ADGRF3: variants seen among roughly 807,000 people sequenced by gnomAD.
ADGRF3 encodes G protein-coupled receptor 113.
ADGRF3 carries 85 observed loss-of-function variants against 93.2 expected under a neutral mutation model. The ratio of observed to expected loss-of-function variants is 0.91; its 90% CI spans 0.77 to 1.09. The LOEUF (loss-of-function observed/expected upper bound fraction) is 1.09. ADGRF3 is among the 50% of genes least tolerant of loss of function. The pLI, the probability that ADGRF3 is intolerant of heterozygous loss-of-function variation, is 0.00. For missense variants in ADGRF3, 1,125 were observed against 1,246.2 expected (o/e 0.90, Z 1.46); for synonymous variants, 534 against 532.5 (o/e 1.00, Z -0.04).
At chr2:26,339,019 G>C (rs1245455246) in intron 1 of ADGRF3, among the ~76,000 whole-genome samples, 2 of 145,832 alleles carry the variant, frequency 1.4e-5, no homozygotes, top group African/African-American at 2.6e-5. Flanking sequence ...ACAGGCTGAA[G>C]CAGAACAATT....
chr2:26,346,454 G>T lies in ADGRF3; in HGVS notation c.-220C>A. On this transcript the variant is annotated 5_prime_UTR_variant, in exon 1 of 14. Transcript: ENST00000651242. ...GGTCCTGGGGATTGGGGGTCGGGGA[G>T]CGTGGGAGCATCCTAAGCCCGCCGC... The T allele has an allele frequency of 1.2e-6, 1 of 835,236 alleles. No homozygotes were observed. Among genetic ancestry groups the T allele is most frequent in the South Asian group, 2.0e-5 (1 of 50,328 alleles). The allele number at this position is 835,236 out of a possible 1,614,324, so 51.7% of individuals were successfully genotyped here.
In ADGRF3 at chr2:26,346,239, G is replaced by A. The variant is rs1482022006; in HGVS notation, c.-5C>T. ...GCTCAGTTTTCGGGTCGTCATGGCTGGCTACGAATACGTGAGCCCGGAGCA... is the reference window on the plus strand; with the variant it reads ...GCTCAGTTTTCGGGTCGTCATGGCTAGCTACGAATACGTGAGCCCGGAGCA... On this transcript the variant is annotated 5_prime_UTR_variant, in exon 1 of 14. Transcript: ENST00000651242. 6.2e-7 allele frequency: 1 copy of A among 1,613,648 alleles called. No individual in the cohort carries two copies. Among genetic ancestry groups the A allele is most frequent in the East Asian group, 2.2e-5 (1 of 44,866 alleles).
Position 26,346,417 on chromosome 2 carries a change from G to T in ADGRF3, c.-183C>A. ...CGGGCGGGCTGGCGGGCGTTCCTCC[G>T]GAGGTCCTGCGGGTCCTGGGGATTG... On this transcript the variant is annotated 5_prime_UTR_variant, in exon 1 of 14. Transcript: ENST00000651242. The T allele has an allele frequency of 8.3e-7, 1 of 1,202,200 alleles. No individual in the cohort carries two copies. Among genetic ancestry groups the T allele is most frequent in the Non-Finnish European group, 1.1e-6 (1 of 900,452 alleles). The allele number at this position is 1,202,200 out of a possible 1,614,324, so 74.5% of individuals were successfully genotyped here. A position where few individuals can be genotyped will look rare whatever the true frequency, so the allele number is the denominator to read the frequency against.
intron 4 of ADGRF3, 48 bp downstream of exon 4, chr2:26,316,227 T>C (rs1364464105): frequency 6.6e-7 from 1 of 1,521,428 alleles, no homozygotes; most frequent in Non-Finnish European, 8.9e-7. Context: ...ACTGAGAACA[T>C]TTATTTCACT....
At chr2:26,321,687 A>G (rs968378721) in intron 1 of ADGRF3, among the ~76,000 whole-genome samples, 3 of 152,148 alleles carry the variant, frequency 2.0e-5, no homozygotes, top group African/African-American at 7.2e-5. Flanking sequence ...GAAAGCTAAT[A>G]GAGGCTGGGC....
intron 1 of ADGRF3, among the ~76,000 whole-genome samples, chr2:26,329,799 C>CT (rs1235610725): frequency 6.6e-6 from 1 of 152,166 alleles, no homozygotes; most frequent in Non-Finnish European, 1.5e-5. Context: ...CTCCTTGAGG[C>CT]TTTTTGCCTT....
rs1353981810 is a variant in ADGRF3 at position 26,322,676 on chromosome 2, A to G, written c.115-5114T>C. 3.3e-5 allele frequency among the ~76,000 whole-genome samples: 5 copies of G among 152,300 alleles called. No individual in the cohort carries two copies. The South Asian group carries it at 1.0e-3, about 32-fold the overall frequency. ...TACCCCCCAGTGCCTAGCACCGTGC[A>G]TTGGAGGCCTTAGGTAATATTTGTA... On this transcript the variant is annotated intron_variant, in intron 1 of 13. Transcript: ENST00000651242.
chr2:26,311,952 G>A lies in ADGRF3; in HGVS notation c.1572C>T (p.Cys524=), dbSNP rs1196025152. Residue 524 remains cysteine (C), a synonymous_variant, in exon 10 of 14, where the codon TGC becomes TGT. Coordinates refer to ENST00000651242, the MANE Select transcript of ADGRF3 (RefSeq NM_001321971.2). Reference sequence around the variant, plus strand: ...AGGGGTGGTCCTGTGGGCACAGGCTGCATGCCAGGGTCTCCACAGCCAGCA... The same window carrying A: ...AGGGGTGGTCCTGTGGGCACAGGCTACATGCCAGGGTCTCCACAGCCAGCA... ...TLLLAVETLA[C]SLCPQDHPFA... 1 of 1,613,784 alleles carries A rather than the reference G, an allele frequency of 6.2e-7. No individual in the cohort carries two copies. Among genetic ancestry groups the A allele is most frequent in the South Asian group, 1.1e-5 (1 of 91,074 alleles).
chr2:26,313,712 C>T (rs777540014), intron 7 of ADGRF3, 48 bp downstream of exon 7: 1 of 1,608,674 alleles, frequency 6.2e-7, no homozygotes, highest in South Asian at 1.1e-5. Flanking sequence ...CCCGTGCTCC[C>T]AAGGCAAGCA....
chr2:26,311,382 T>G lies in ADGRF3; in HGVS notation c.2142A>C (p.Ile714=). 1 of 1,613,876 alleles carries G rather than the reference T, an allele frequency of 6.2e-7. No individual in the cohort carries two copies. The highest frequency in any genetic ancestry group is 1.1e-5 in the South Asian group (1 of 91,074). The stretch of plus-strand genomic sequence containing the variant: ...CACCCAGGCACACAAGCAGCGCCAG[T>G]ATGGAAGCTCCCAAGCCCACTTGAG... The part of the protein sequence containing the change: ...LLTQVGLGAS[I]LALLVCLGVY... Residue 714 remains isoleucine (I), a synonymous_variant, in exon 10 of 14, where the codon ATA becomes ATC. Coordinates refer to ENST00000651242, the MANE Select transcript of ADGRF3 (RefSeq NM_001321971.2).
chr2:26,310,645 A>C, intron 10 of ADGRF3, 47 bp downstream of exon 10: 1 of 1,549,922 alleles, frequency 6.5e-7, no homozygotes, highest in Non-Finnish European at 8.8e-7. Context: ...GCAGTGACTT[A>C]GACCATCTAA....
chr2:26,318,241 C>T (rs751382280), intron 1 of ADGRF3: 11 of 623,036 alleles, frequency 1.8e-5, no homozygotes, highest in Non-Finnish European at 2.5e-5. Context: ...TATGCACCTG[C>T]GTGTGCGTGT....
At chr2:26,324,205 C>T (rs568127079) in intron 1 of ADGRF3, among the ~76,000 whole-genome samples, 7 of 152,248 alleles carry the variant, frequency 4.6e-5, no homozygotes, top group Admixed American at 2.0e-4. Flanking sequence ...GAGCTGTGAT[C>T]GTGCCACTGC....
chr2:26,313,647 CG>C, intron 7 of ADGRF3, 74 bp from the exon 8 acceptor site: 1 of 1,558,024 alleles, frequency 6.4e-7, no homozygotes. Context: ...GAACCCTATG[CG>C]GGCCCCGAAG....
chr2:26,336,719 CCATAAAAAAAAA>C (rs1676065453), intron 1 of ADGRF3, among the ~76,000 whole-genome samples: 1 of 72,944 alleles, frequency 1.4e-5, no homozygotes, highest in South Asian at 5.7e-4. Context: ...GAGTGAGACT[CCATAAAAAAAAA>C]AAAAAAAAAA....
chr2:26,314,948 C>T (rs187300221), intron 5 of ADGRF3: 14 of 310,254 alleles, frequency 4.5e-5, no homozygotes, highest in Admixed American at 9.0e-5. Flanking sequence ...GACATTGAGA[C>T]GGTATTCTCC....
chr2:26,326,631 C>T (rs1387829385), intron 1 of ADGRF3, among the ~76,000 whole-genome samples: 2 of 152,108 alleles, frequency 1.3e-5, no homozygotes, highest in Non-Finnish European at 2.9e-5. Flanking sequence ...GTTAGAAGCC[C>T]TAGAGAAATG....
In ADGRF3 at chr2:26,312,936, A is replaced by T. The variant is rs747065139; in HGVS notation, c.1449+7T>A. On this transcript the variant is annotated splice_region_variant and intron_variant, in intron 9 of 13. Coordinates refer to ENST00000651242, the MANE Select transcript of ADGRF3 (RefSeq NM_001321971.2). The stretch of plus-strand genomic sequence containing the variant: ...AGCTGGCCCCCACTGTGGCTCAGAG[A>T]TCTCACCTTCAGGGCTCTGCGGTCA... 5 of 1,603,242 alleles carry T rather than the reference A, an allele frequency of 3.1e-6. No individual in the cohort carries two copies. The highest frequency in any genetic ancestry group is 3.4e-5 in the Admixed American group (2 of 58,380).
At chr2:26,316,891 C>G (rs1674741905) in intron 3 of ADGRF3, 21 bp downstream of exon 3, 1 of 1,589,304 alleles carries the variant, frequency 6.3e-7, no homozygotes, top group African/African-American at 1.4e-5. Context: ...ACTCTCAGCC[C>G]CCTTCCCACG....
Sources: gnomAD v4.1 joint callset for allele counts (sites outside exome capture counted in the v4.1 genomes callset) on GRCh38, gnomAD v4.1.1 for gene constraint, MANE v1.5 for transcripts, NCBI Gene and HGNC (gene_info 2026-07-23, HGNC 2026-07-21) for gene names.